NLGN1: variants seen among roughly 807,000 people sequenced by gnomAD.
NLGN1 encodes neuroligin 1.
Under a neutral mutation model 65.5 loss-of-function variants are expected in NLGN1, and 12 were observed. The observed-to-expected ratio is 0.18, with a 90% confidence interval of 0.12 to 0.30. NLGN1 has a LOEUF of 0.30. NLGN1 is among the 10% of genes least tolerant of loss of function. The pLI is 1.00. For missense variants in NLGN1, 750 were observed against 1,007.1 expected, an observed-to-expected ratio of 0.74 and a Z score of 3.46; for synonymous variants, 350 against 359.5, an observed-to-expected ratio of 0.97 and a Z score of 0.30.
At chr3:173,969,310 A>G (rs1715648067) in intron 4 of NLGN1, among the ~76,000 whole-genome samples, 1 of 152,148 alleles carries the variant, frequency 6.6e-6, no homozygotes, top group African/African-American at 2.4e-5. Flanking sequence ...ATTTGGAGAA[A>G]CAGATTATTT....
intron 4 of NLGN1, among the ~76,000 whole-genome samples, chr3:174,247,277 G>C (rs975776687): frequency 6.6e-6 from 1 of 152,134 alleles, no homozygotes; most frequent in African/African-American, 2.4e-5. Context: ...TGACTATTAT[G>C]TGTCAGGTTC....
intron 1 of NLGN1, among the ~76,000 whole-genome samples, chr3:173,414,306 G>A (rs1395612104): frequency 6.6e-6 from 1 of 152,146 alleles, no homozygotes; most frequent in African/African-American, 2.4e-5. Context: ...TATACAAAAA[G>A]ATGGGAAAGG....
At chr3:173,562,663 T>C (rs1165244345) in intron 2 of NLGN1, among the ~76,000 whole-genome samples, 2 of 152,164 alleles carry the variant, frequency 1.3e-5, no homozygotes, top group Non-Finnish European at 2.9e-5. Flanking sequence ...AACAGAGATC[T>C]CCACTGATAA....
intron 3 of NLGN1, among the ~76,000 whole-genome samples, chr3:173,612,171 G>A (rs541499003): frequency 7.2e-5 from 11 of 152,142 alleles, no homozygotes; most frequent in African/African-American, 2.4e-4. Context: ...CAGTATAGAC[G>A]TTTGCTAGTA....
intron 4 of NLGN1, among the ~76,000 whole-genome samples, chr3:173,914,728 A>G (rs1740388891): frequency 1.3e-5 from 2 of 152,154 alleles, no homozygotes; most frequent in Admixed American, 6.6e-5. Context: ...ACATGAATCA[A>G]TAAAGACAAA....
intron 4 of NLGN1, among the ~76,000 whole-genome samples, chr3:173,850,173 A>C (rs1190024009): frequency 6.6e-6 from 1 of 152,142 alleles, no homozygotes; most frequent in Non-Finnish European, 1.5e-5. Flanking sequence ...ATTAATACAT[A>C]CTAAGTGACA....
intron 5 of NLGN1, among the ~76,000 whole-genome samples, chr3:174,275,761 T>C (rs1327960302): frequency 2.0e-5 from 3 of 151,906 alleles, no homozygotes; most frequent in Non-Finnish European, 4.4e-5. Context: ...TCAGAATAGT[T>C]AGCATTACAG....
At chr3:174,169,508 C>T (rs935740678) in intron 4 of NLGN1, among the ~76,000 whole-genome samples, 4 of 149,808 alleles carry the variant, frequency 2.7e-5, no homozygotes, top group East Asian at 2.0e-4. Flanking sequence ...TCTGGATGCC[C>T]GGGCATGGAG....
At chr3:173,604,775 T>C (rs554696421) in exon 3 of NLGN1, 1 of 1,613,670 alleles carries the variant, frequency 6.2e-7, no homozygotes, top group Non-Finnish European at 8.5e-7. Context: ...CTACCAACTT[T>C]GGAAAGATAA....
At chr3:173,570,102 A>G (rs1376015979) in intron 2 of NLGN1, among the ~76,000 whole-genome samples, 1 of 152,202 alleles carries the variant, frequency 6.6e-6, no homozygotes, top group Non-Finnish European at 1.5e-5. Flanking sequence ...AGTGGGGGCC[A>G]GAAGGGGTCA....
intron 3 of NLGN1, among the ~76,000 whole-genome samples, chr3:173,710,389 A>G (rs1212044566): frequency 6.6e-6 from 1 of 152,140 alleles, no homozygotes; most frequent in Non-Finnish European, 1.5e-5. Context: ...CCCAGGATTT[A>G]TGCATTTCTT....
At chr3:174,059,178 A>G (rs1736841556) in intron 4 of NLGN1, among the ~76,000 whole-genome samples, 1 of 152,100 alleles carries the variant, frequency 6.6e-6, no homozygotes, top group Admixed American at 6.6e-5. Flanking sequence ...CCCGGAGCCT[A>G]TGGCAGAGAG....
At chr3:173,688,121 A>G (rs1043884345) in intron 3 of NLGN1, among the ~76,000 whole-genome samples, 2 of 152,200 alleles carry the variant, frequency 1.3e-5, no homozygotes, top group Admixed American at 6.5e-5. Flanking sequence ...ACTGCTGGTC[A>G]TGTGCCTTTT....
At chr3:173,850,833 G>A (rs1726788709) in intron 4 of NLGN1, among the ~76,000 whole-genome samples, 3 of 151,826 alleles carry the variant, frequency 2.0e-5, no homozygotes, top group Admixed American at 1.3e-4. Flanking sequence ...ACCTCCCAGG[G>A]CTCAAGTATC....
chr3:173,764,142 C>T (rs537788203), intron 3 of NLGN1, among the ~76,000 whole-genome samples: 1 of 152,268 alleles, frequency 6.6e-6, no homozygotes, highest in Non-Finnish European at 1.5e-5. Context: ...AAGCTCTGTA[C>T]ACTTCATGAT....
intron 3 of NLGN1, among the ~76,000 whole-genome samples, chr3:173,686,106 C>T (rs891588196): frequency 6.6e-6 from 1 of 152,012 alleles, no homozygotes; most frequent in African/African-American, 2.4e-5. Context: ...AAGGCAAGAA[C>T]TTGTTATTTT....
chr3:173,638,348 C>T (rs1756913985), intron 3 of NLGN1, among the ~76,000 whole-genome samples: 1 of 149,374 alleles, frequency 6.7e-6, no homozygotes, highest in Non-Finnish European at 1.5e-5. Flanking sequence ...TTGATTTTAT[C>T]CTTTAATGGG....
intron 4 of NLGN1, among the ~76,000 whole-genome samples, chr3:173,869,467 C>T (rs1251890901): frequency 6.6e-6 from 1 of 152,018 alleles, no homozygotes; most frequent in African/African-American, 2.4e-5. Context: ...GGTTTTACTC[C>T]CTGGGCATCA....
intron 2 of NLGN1, among the ~76,000 whole-genome samples, chr3:173,502,443 A>G (rs185814112): frequency 2.0e-5 from 3 of 152,252 alleles, no homozygotes; most frequent in Non-Finnish European, 4.4e-5. Context: ...TGTATATAAT[A>G]AATGCTTCCA....
Sources: gnomAD v4.1 joint callset for allele counts (sites outside exome capture counted in the v4.1 genomes callset) on GRCh38, gnomAD v4.1.1 for gene constraint, MANE v1.5 for transcripts, NCBI Gene and HGNC (gene_info 2026-07-23, HGNC 2026-07-21) for gene names.